GRM5: variants seen among roughly 807,000 people sequenced by gnomAD.
The protein encoded by GRM5 is metabotropic glutamate receptor 5.
In GRM5, 19 loss-of-function variants were observed where a neutral mutation model predicts 83.1. The observed-to-expected ratio is 0.23, with a 90% confidence interval of 0.16 to 0.34. GRM5 has a LOEUF of 0.34. Among genes scored for constraint, GRM5 ranks in the 10% least tolerant of loss-of-function variants. GRM5 has a pLI of 1.00. For synonymous variants in GRM5, 675 were observed against 633.6 expected, an observed-to-expected ratio of 1.07 and a Z score of -0.98; for missense variants, 1,160 against 1,588.3, an observed-to-expected ratio of 0.73 and a Z score of 4.58.
intron 2 of GRM5, among the ~76,000 whole-genome samples, chr11:89,006,995 C>T (rs1489663372): frequency 6.6e-6 from 1 of 152,166 alleles, no homozygotes; most frequent in Non-Finnish European, 1.5e-5. Flanking sequence ...GACGGGGTTT[C>T]ACCATGTTAG....
At chr11:89,030,444 G>A (rs1476197463) in intron 2 of GRM5, among the ~76,000 whole-genome samples, 1 of 152,038 alleles carries the variant, frequency 6.6e-6, no homozygotes, top group African/African-American at 2.4e-5. Context: ...GGCCATGTGA[G>A]GTTGACTTTC....
chr11:89,019,209 G>A (rs749364036), intron 2 of GRM5, among the ~76,000 whole-genome samples: 6 of 152,066 alleles, frequency 3.9e-5, no homozygotes, highest in African/African-American at 7.2e-5. Context: ...GATTACATTG[G>A]GGTTGTATGT....
chr11:88,759,535 A>AAT (rs1942467296), intron 3 of GRM5, among the ~76,000 whole-genome samples: 1 of 152,180 alleles, frequency 6.6e-6, no homozygotes, highest in Non-Finnish European at 1.5e-5. Flanking sequence ...AACTATCCTA[A>AAT]ATATATATGT....
chr11:88,655,665 TTC>T (rs760619179), intron 3 of GRM5, among the ~76,000 whole-genome samples: 15 of 147,238 alleles, frequency 1.0e-4, no homozygotes, highest in Admixed American at 5.5e-4. Context: ...ATCATGTACT[TTC>T]TCTGTTTTTT....
intron 3 of GRM5, among the ~76,000 whole-genome samples, chr11:88,767,569 C>T (rs1942647705): frequency 6.6e-6 from 1 of 151,946 alleles, no homozygotes; most frequent in Non-Finnish European, 1.5e-5. Context: ...CAAAGTAATA[C>T]AGGAGCAGAA....
At position 88,740,925 on chromosome 11, in the gene GRM5, T is replaced by C. The variant is rs191719064; in HGVS notation, c.912-87522A>G. ...AAGGATGGTGGAGCAATCTGAGATA[T>C]ACCAGAATACGGTCCCATCATAGCC... On this transcript the variant is annotated intron_variant, in intron 3 of 9. Transcript: ENST00000305447. 8.7e-4 allele frequency among the ~76,000 whole-genome samples: 133 copies of C among 152,200 alleles called. 1 individual carries two copies. Among genetic ancestry groups the C allele is most frequent in the Non-Finnish European group, 1.8e-3 (121 of 67,976 alleles).
At chr11:88,536,462 C>G (rs957060311) in intron 8 of GRM5, among the ~76,000 whole-genome samples, 7 of 152,174 alleles carry the variant, frequency 4.6e-5, no homozygotes, top group Non-Finnish European at 1.0e-4. Flanking sequence ...TTAGCTCTCT[C>G]TTTCCCTTTG....
intron 3 of GRM5, among the ~76,000 whole-genome samples, chr11:88,744,860 G>T (rs1942101190): frequency 6.6e-6 from 1 of 152,096 alleles, no homozygotes; most frequent in African/African-American, 2.4e-5. Context: ...TGAGTTTAAG[G>T]TTGAGGTAAG....
intron 2 of GRM5, among the ~76,000 whole-genome samples, chr11:89,022,204 C>G (rs2135110094): frequency 6.6e-6 from 1 of 152,108 alleles, no homozygotes. Context: ...GTTTTTGTAG[C>G]CTAAAGGAGC....
chr11:89,017,913 T>G (rs1591051729), intron 2 of GRM5, among the ~76,000 whole-genome samples: 1 of 152,142 alleles, frequency 6.6e-6, no homozygotes, highest in Admixed American at 6.6e-5. Flanking sequence ...ACTAGCACTT[T>G]GTTTTTACTT....
intron 1 of GRM5, among the ~76,000 whole-genome samples, chr11:89,048,669 G>C (rs991538045): frequency 3.3e-5 from 5 of 152,122 alleles, no homozygotes; most frequent in African/African-American, 1.2e-4. Flanking sequence ...TAATGTGGAA[G>C]ATATAATAAA....
At chr11:88,719,347 G>A (rs1941479626) in intron 3 of GRM5, among the ~76,000 whole-genome samples, 2 of 151,896 alleles carry the variant, frequency 1.3e-5, no homozygotes, top group Admixed American at 1.3e-4. Flanking sequence ...GTCTGCTGAG[G>A]ATAATGGCCT....
At chr11:88,892,731 C>A (rs564598030) in intron 2 of GRM5, among the ~76,000 whole-genome samples, 3 of 152,114 alleles carry the variant, frequency 2.0e-5, no homozygotes, top group African/African-American at 7.2e-5. Flanking sequence ...TTTAGACTAA[C>A]CCTGCTTATT....
chr11:88,875,461 T>G (rs557988236), intron 2 of GRM5, among the ~76,000 whole-genome samples: 42 of 152,062 alleles, frequency 2.8e-4, no homozygotes, highest in African/African-American at 9.6e-4. Context: ...AAATCATCCA[T>G]GAGGGTTGGA....
At chr11:88,561,047 A>G (rs1233073674) in intron 8 of GRM5, among the ~76,000 whole-genome samples, 2 of 152,128 alleles carry the variant, frequency 1.3e-5, no homozygotes, top group Non-Finnish European at 2.9e-5. Flanking sequence ...TAGAAGGAAA[A>G]GGTGGAGGAC....
intron 3 of GRM5, among the ~76,000 whole-genome samples, chr11:88,739,103 T>C (rs12271760): frequency 6.6e-6 from 1 of 152,004 alleles, no homozygotes; most frequent in East Asian, 1.9e-4. Context: ...TCATTTTATA[T>C]CCTTTACTAG....
rs186920714 is a variant in GRM5, at chr11:89,005,286, A to T, written c.661+41926T>A. Among the ~76,000 whole-genome samples the T allele has an allele frequency of 3.7e-4, 57 of 152,352 alleles. No homozygotes were observed. In the East Asian group the frequency reaches 7.5e-3, roughly 20 times the overall value. On this transcript the variant is annotated intron_variant, in intron 2 of 9. Transcript: ENST00000305447. ...TTAAGCAGAAGTTGACAAATTTATT[A>T]CATTGTGTAATAAAAGCAGGCTATA... is the stretch of plus-strand genomic sequence containing the variant.
intron 3 of GRM5, among the ~76,000 whole-genome samples, chr11:88,798,680 A>G (rs1943327484): frequency 6.6e-6 from 1 of 151,848 alleles, no homozygotes; most frequent in South Asian, 2.1e-4. Flanking sequence ...TGTAAAAGTT[A>G]TTTATCACGG....
chr11:88,942,363 T>C (rs550848503), intron 2 of GRM5, among the ~76,000 whole-genome samples: 10 of 152,160 alleles, frequency 6.6e-5, no homozygotes, highest in Non-Finnish European at 5.9e-5. Context: ...GTACCATTCT[T>C]TCAACTTTTC....
Sources: gnomAD v4.1 joint callset for allele counts (sites outside exome capture counted in the v4.1 genomes callset) on GRCh38, gnomAD v4.1.1 for gene constraint, MANE v1.5 for transcripts, NCBI Gene and HGNC (gene_info 2026-07-23, HGNC 2026-07-21) for gene names.